Variants in PDE1A observed in about 807,000 individuals in gnomAD.
PDE1A encodes phosphodiesterase 1A.
Under a neutral mutation model 61.7 loss-of-function variants are expected in PDE1A, and 35 were observed. The ratio of observed to expected loss-of-function variants is 0.57; its 90% CI spans 0.43 to 0.75. The LOEUF is 0.75. PDE1A is among the 30% of genes least tolerant of loss of function. The probability of loss-of-function intolerance (pLI) is 0.00; values close to 1 mark genes in which losing one functional copy is unlikely to be tolerated. For missense variants in PDE1A, 597 were observed against 630.6 expected (o/e 0.95, Z 0.57); for synonymous variants, 232 against 213.2 (o/e 1.09, Z -0.77).
intron 2 of PDE1A, among the ~76,000 whole-genome samples, chr2:182,453,629 A>G (rs933145671): frequency 6.6e-6 from 1 of 152,182 alleles, no homozygotes; most frequent in Non-Finnish European, 1.5e-5. Context: ...AAATCAATAA[A>G]TGTAATCCAG....
At chr2:182,563,635 T>G in the PDE1A span, among the ~76,000 whole-genome samples, 6 of 152,198 alleles carry the variant, frequency 3.9e-5, no homozygotes, top group Non-Finnish European at 8.8e-5. Context: ...CTCGTTGATC[T>G]GTCTAATGTT....
downstream of PDE1A, among the ~76,000 whole-genome samples, chr2:182,165,806 C>T (rs952632799): frequency 7.9e-5 from 12 of 152,130 alleles, no homozygotes; most frequent in Admixed American, 2.6e-4. Flanking sequence ...GTTAAGAATA[C>T]ATTTGTATGT....
At chr2:182,309,149 G>A (rs1695797559) in intron 1 of PDE1A, among the ~76,000 whole-genome samples, 1 of 151,824 alleles carries the variant, frequency 6.6e-6, no homozygotes, top group South Asian at 2.1e-4. Context: ...TATGATTTTT[G>A]TTTATTTAAG....
the PDE1A span, among the ~76,000 whole-genome samples, chr2:182,602,061 G>T: frequency 6.6e-6 from 1 of 152,224 alleles, no homozygotes; most frequent in Admixed American, 6.5e-5. Flanking sequence ...GCCTCCTGCT[G>T]CCATTCATGG....
chr2:182,218,891 T>C (rs1442913083), intron 7 of PDE1A, among the ~76,000 whole-genome samples: 1 of 152,090 alleles, frequency 6.6e-6, no homozygotes, highest in East Asian at 1.9e-4. Context: ...TCCTTCTGAT[T>C]TGTAATCCAG....
intron 2 of PDE1A, among the ~76,000 whole-genome samples, chr2:182,494,915 A>C (rs1688618686): frequency 6.6e-6 from 1 of 152,002 alleles, no homozygotes; most frequent in Non-Finnish European, 1.5e-5. Context: ...CTCCCAACAG[A>C]ATTCTTGGAT....
intron 1 of PDE1A, among the ~76,000 whole-genome samples, chr2:182,312,619 A>G (rs1038078576): frequency 1.3e-5 from 2 of 152,170 alleles, no homozygotes; most frequent in Admixed American, 6.5e-5. Flanking sequence ...TTGTCCATAT[A>G]TATGTGGGTT....
chr2:182,250,336 T>C (rs1450345543), intron 2 of PDE1A, among the ~76,000 whole-genome samples: 1 of 152,222 alleles, frequency 6.6e-6, no homozygotes, highest in Non-Finnish European at 1.5e-5. Context: ...TATATCTGGA[T>C]GACAAAATTT....
rs147319076 is a variant in PDE1A at position 182,366,363 on chromosome 2, T to C, written c.53+60215A>G. ...GAAACATGTTTCCCAACTACCTTTA[T>C]GGGTGAGGTGACATTTCTGTTAGAG... On this transcript the variant is annotated intron_variant, in intron 1 of 13. Transcript: ENST00000351439. Among the ~76,000 whole-genome samples the C allele has an allele frequency of 4.3e-3, 659 of 152,092 alleles. 1 individual carries two copies. The highest frequency in any genetic ancestry group is 0.015 in the African/African-American group (632 of 41,546).
At chr2:182,536,729 C>T in the PDE1A span, among the ~76,000 whole-genome samples, 4 of 152,142 alleles carry the variant, frequency 2.6e-5, no homozygotes, top group Admixed American at 2.6e-4. Flanking sequence ...TTTGTAATTC[C>T]CTCAACTAAG....
intron 1 of PDE1A, among the ~76,000 whole-genome samples, chr2:182,351,687 T>C (rs1698889716): frequency 6.6e-6 from 1 of 152,202 alleles, no homozygotes; most frequent in Non-Finnish European, 1.5e-5. Context: ...ACATTTGTGA[T>C]CAATCATAGC....
chr2:182,594,691 C>G, the PDE1A span, among the ~76,000 whole-genome samples: 777 of 152,292 alleles, frequency 5.1e-3, 3 homozygotes, highest in Non-Finnish European at 7.7e-3. Flanking sequence ...AGGTATTTAA[C>G]TCGACACTTA....
chr2:182,340,052 C>T (rs1174356710), intron 1 of PDE1A, among the ~76,000 whole-genome samples: 1 of 152,068 alleles, frequency 6.6e-6, no homozygotes, highest in Non-Finnish European at 1.5e-5. Flanking sequence ...TAAAATGCAA[C>T]TTTCATTAAA....
intron 10 of PDE1A, among the ~76,000 whole-genome samples, chr2:182,189,388 T>C (rs1350702742): frequency 6.6e-6 from 1 of 152,230 alleles, no homozygotes; most frequent in Non-Finnish European, 1.5e-5. Flanking sequence ...AGCCATCTTA[T>C]GTGTTATCTG....
intron 2 of PDE1A, among the ~76,000 whole-genome samples, chr2:182,432,423 C>CTGCTGT (rs1553617009): frequency 2.3e-4 from 34 of 150,820 alleles, no homozygotes; most frequent in Non-Finnish European, 3.5e-4. Flanking sequence ...TTGAGCTTTG[C>CTGCTGT]TGTTGTTGTT....
At chr2:182,671,019 T>C in the PDE1A span, among the ~76,000 whole-genome samples, 1 of 152,066 alleles carries the variant, frequency 6.6e-6, no homozygotes, top group Non-Finnish European at 1.5e-5. Context: ...GGTTTCACGA[T>C]GTTGGCCAGG....
At chr2:182,589,044 AAATAATAATAATAATAAT>A in the PDE1A span, among the ~76,000 whole-genome samples, 2,301 of 138,192 alleles carry the variant, frequency 0.017, 30 homozygotes, top group Non-Finnish European at 0.024. Flanking sequence ...CTCTGTCTCA[AAATAATAATAATAATAAT>A]AATAATAATA....
At chr2:182,480,359 T>A (rs1314687035) in intron 2 of PDE1A, among the ~76,000 whole-genome samples, 2 of 151,892 alleles carry the variant, frequency 1.3e-5, no homozygotes, top group Admixed American at 6.6e-5. Flanking sequence ...ATAAAGAACA[T>A]ATTTAAAGTT....
At chr2:182,229,624 C>CT (rs1559222932) in intron 6 of PDE1A, among the ~76,000 whole-genome samples, 1 of 152,016 alleles carries the variant, frequency 6.6e-6, no homozygotes, top group South Asian at 2.1e-4. Context: ...AGAGCAAAAG[C>CT]GACTAAGGTC....
Sources: gnomAD v4.1 joint callset for allele counts (sites outside exome capture counted in the v4.1 genomes callset) on GRCh38, gnomAD v4.1.1 for gene constraint, MANE v1.5 for transcripts, NCBI Gene and HGNC (gene_info 2026-07-23, HGNC 2026-07-21) for gene names.